The following MLLT3 variants were observed in gnomAD, a reference collection of about 807,000 sequenced individuals.
MLLT3 encodes protein AF-9.
MLLT3 carries 4 observed loss-of-function variants against 53.2 expected under a neutral mutation model. The ratio of observed to expected loss-of-function variants is 0.08; its 90% CI spans 0.04 to 0.17. The LOEUF is 0.17. Ranked by LOEUF, MLLT3 falls within the 10% of genes least tolerant of loss-of-function variation. The pLI is 1.00. For synonymous variants in MLLT3, 283 were observed against 230.6 expected, an observed-to-expected ratio of 1.23 and a Z score of -2.06; for missense variants, 569 against 684.0, an observed-to-expected ratio of 0.83 and a Z score of 1.87.
At chr9:20,473,767 T>C (rs548974870) in intron 2 of MLLT3, among the ~76,000 whole-genome samples, 68 of 151,910 alleles carry the variant, frequency 4.5e-4, no homozygotes, top group Non-Finnish European at 5.2e-4. Flanking sequence ...GCTAATAAAC[T>C]AAAAAAACAA....
intron 7 of MLLT3, 35 bp from the exon 8 acceptor site, chr9:20,360,876 C>T (rs1563936119): frequency 6.5e-7 from 1 of 1,541,582 alleles, no homozygotes. Flanking sequence ...CACATCATTA[C>T]AAACAGATGA....
chr9:20,592,451 C>T (rs139648404), intron 2 of MLLT3, among the ~76,000 whole-genome samples: 23 of 152,294 alleles, frequency 1.5e-4, no homozygotes, highest in African/African-American at 5.5e-4. Flanking sequence ...TCTGTGCCTT[C>T]ACATGGTCTT....
chr9:20,404,734 G>T (rs114884166), intron 5 of MLLT3, among the ~76,000 whole-genome samples: 2,008 of 152,140 alleles, frequency 0.013, 31 homozygotes, highest in African/African-American at 0.041. Flanking sequence ...TTGAACTCCT[G>T]GCTTCAAGCA....
chr9:20,484,983 T>C lies in MLLT3; in HGVS notation c.194-28197A>G, dbSNP rs144392267. Among the ~76,000 whole-genome samples the C allele has an allele frequency of 1.9e-3, 289 of 151,910 alleles. 4 individuals carry two copies. Among genetic ancestry groups the C allele is most frequent in the Non-Finnish European group, 7.5e-4 (51 of 67,956 alleles). On this transcript the variant is annotated intron_variant, in intron 2 of 10. Coordinates refer to ENST00000380338, the MANE Select transcript of MLLT3 (RefSeq NM_004529.4). ...TGCAAAATCTGTAATTTTATTTTTA[T>C]TTTTTTTATTTATTTTTTTTTTTGA...
intron 2 of MLLT3, among the ~76,000 whole-genome samples, chr9:20,609,048 T>C (rs1190855622): frequency 1.3e-5 from 2 of 152,024 alleles, no homozygotes; most frequent in African/African-American, 4.8e-5. Context: ...AGATACTCTG[T>C]CAAGAAGCAT....
At chr9:20,453,366 T>C (rs895761934) in intron 3 of MLLT3, among the ~76,000 whole-genome samples, 2 of 151,908 alleles carry the variant, frequency 1.3e-5, no homozygotes, top group African/African-American at 2.4e-5. Context: ...CTCGAAATCA[T>C]CCTGGGCAAC....
chr9:20,437,313 A>C (rs1430922232), intron 4 of MLLT3, among the ~76,000 whole-genome samples: 1 of 152,204 alleles, frequency 6.6e-6, no homozygotes, highest in Non-Finnish European at 1.5e-5. Context: ...AGCTATTTTC[A>C]TTTTAAAAAG....
intron 2 of MLLT3, among the ~76,000 whole-genome samples, chr9:20,549,411 CCTA>C (rs751084024): frequency 3.3e-5 from 5 of 152,106 alleles, no homozygotes; most frequent in Admixed American, 2.6e-4. Context: ...TCAAATAGTT[CCTA>C]CTAATAATAT....
At chr9:20,398,927 C>G (rs1458424378) in intron 5 of MLLT3, among the ~76,000 whole-genome samples, 1 of 152,070 alleles carries the variant, frequency 6.6e-6, no homozygotes, top group African/African-American at 2.4e-5. Context: ...AAACAACTCT[C>G]TTCTCTTTCT....
intron 2 of MLLT3, among the ~76,000 whole-genome samples, chr9:20,618,626 C>T (rs1820900128): frequency 6.6e-6 from 1 of 152,194 alleles, no homozygotes; most frequent in Middle Eastern, 3.2e-3. Flanking sequence ...ATCCAACCAA[C>T]AAGCAGACAT....
rs193123236 is a variant in MLLT3 at position 20,456,520 on chromosome 9, A to G, written c.276+184T>C. 2.4e-4 allele frequency among the ~76,000 whole-genome samples: 37 copies of G among 152,352 alleles called. 1 individual carries two copies. The East Asian group carries it at 6.7e-3, about 28-fold the overall frequency. On this transcript the variant is annotated intron_variant, in intron 3 of 10. Transcript: ENST00000380338. ...AATCTGACTTCATATAATTAAAATT[A>G]TCTTCTTCTAGCCACTTCCTTGATA... is the stretch of plus-strand genomic sequence containing the variant.
intron 5 of MLLT3, among the ~76,000 whole-genome samples, chr9:20,401,355 C>T (rs1379747497): frequency 3.9e-5 from 6 of 152,076 alleles, no homozygotes; most frequent in Non-Finnish European, 8.8e-5. Flanking sequence ...TTAGAAAACA[C>T]AGGAAGGTGT....
At chr9:20,537,568 C>T (rs1232314707) in intron 2 of MLLT3, among the ~76,000 whole-genome samples, 1 of 152,078 alleles carries the variant, frequency 6.6e-6, no homozygotes, top group East Asian at 1.9e-4. Context: ...TGAGGGAGTC[C>T]TGCCAATTCA....
chr9:20,570,818 C>T (rs958283178), intron 2 of MLLT3, among the ~76,000 whole-genome samples: 2 of 148,060 alleles, frequency 1.4e-5, no homozygotes, highest in Non-Finnish European at 2.9e-5. Flanking sequence ...CCAACAAATT[C>T]CATATTTTCT....
In MLLT3 at chr9:20,466,005, GA is replaced by G. The variant is rs377066706; in HGVS notation, c.194-9220del. Among the ~76,000 whole-genome samples the G allele has an allele frequency of 3.4e-3, 511 of 152,134 alleles. 2 individuals carry two copies. Among genetic ancestry groups the G allele is most frequent in the Middle Eastern group, 0.01 (3 of 294 alleles). ...CAAGGATTTCCAAACTGTGTTCCAG[GA>G]AACCCTACATCCTTGCAAGCTGTTT... On this transcript the variant is annotated intron_variant, in intron 2 of 10. Transcript: ENST00000380338.
intron 2 of MLLT3, among the ~76,000 whole-genome samples, chr9:20,571,594 T>C (rs548784493): frequency 3.3e-5 from 5 of 152,016 alleles, no homozygotes; most frequent in South Asian, 2.1e-4. Context: ...TCCCCTAGCC[T>C]CCCACCCCCA....
intron 2 of MLLT3, among the ~76,000 whole-genome samples, chr9:20,498,968 T>A (rs1355407450): frequency 1.3e-5 from 2 of 152,202 alleles, no homozygotes; most frequent in East Asian, 1.9e-4. Context: ...TAACCATTCA[T>A]GCTAGAATTC....
At chr9:20,464,597 T>C (rs963299326) in intron 2 of MLLT3, among the ~76,000 whole-genome samples, 1 of 152,154 alleles carries the variant, frequency 6.6e-6, no homozygotes, top group African/African-American at 2.4e-5. Flanking sequence ...GGAGCTCTTT[T>C]TTATTTTAGA....
chr9:20,433,202 C>G (rs997089985), intron 4 of MLLT3, among the ~76,000 whole-genome samples: 10 of 152,006 alleles, frequency 6.6e-5, no homozygotes, highest in Non-Finnish European at 1.0e-4. Flanking sequence ...GAATTCAGAG[C>G]AGGGACAAGA....
Sources: allele counts gnomAD v4.1 joint callset (sites outside exome capture counted in the v4.1 genomes callset), GRCh38; gene constraint gnomAD v4.1.1; transcripts MANE v1.5; gene names NCBI Gene and HGNC (gene_info 2026-07-23, HGNC 2026-07-21).